The following DSCAM variants were observed in gnomAD, a reference collection of about 807,000 sequenced individuals.
DSCAM encodes the protein cell adhesion molecule DSCAM.
In DSCAM, 47 loss-of-function variants were observed where a neutral mutation model predicts 217.7. The ratio of observed to expected loss-of-function variants is 0.22; its 90% CI spans 0.17 to 0.28. The LOEUF (loss-of-function observed/expected upper bound fraction) is 0.28. DSCAM is among the 10% of genes least tolerant of loss of function. DSCAM has a pLI of 1.00. For missense variants in DSCAM, 2,080 were observed against 2,618.3 expected, an observed-to-expected ratio of 0.79 and a Z score of 4.49; for synonymous variants, 1,056 against 1,015.3, an observed-to-expected ratio of 1.04 and a Z score of -0.76.
At chr21:40,192,903 T>C (rs1246400509) in intron 11 of DSCAM, among the ~76,000 whole-genome samples, 4 of 152,238 alleles carry the variant, frequency 2.6e-5, no homozygotes, top group Non-Finnish European at 5.9e-5. Flanking sequence ...AGCTGTTGTG[T>C]GAACAAATGT....
chr21:40,630,874 G>A (rs2089682657), intron 3 of DSCAM: 2 of 152,298 alleles, frequency 1.3e-5, no homozygotes, highest in East Asian at 3.9e-4. Flanking sequence ...AGGGAGTTGG[G>A]GGAAGAAAGA....
At chr21:40,133,772 A>G in intron 19 of DSCAM, 82 bp downstream of exon 19, 1 of 1,480,360 alleles carries the variant, frequency 6.8e-7, no homozygotes, top group South Asian at 1.4e-5. Context: ...AGCCTGATGA[A>G]CTGCAGGGTA....
chr21:40,833,483 G>A (rs750964986), intron 1 of DSCAM, among the ~76,000 whole-genome samples: 1 of 152,150 alleles, frequency 6.6e-6, no homozygotes, highest in African/African-American at 2.4e-5. Flanking sequence ...TAGCACACAG[G>A]ATTAATCACA....
At chr21:40,569,296 T>C (rs1032427673) in intron 3 of DSCAM, among the ~76,000 whole-genome samples, 17 of 152,246 alleles carry the variant, frequency 1.1e-4, no homozygotes, top group Non-Finnish European at 2.1e-4. Flanking sequence ...GGTCAGGCTA[T>C]AGTTTCCAGT....
chr21:40,068,797 G>T (rs543088882), intron 27 of DSCAM, among the ~76,000 whole-genome samples: 2 of 152,170 alleles, frequency 1.3e-5, no homozygotes, highest in Non-Finnish European at 2.9e-5. Flanking sequence ...AGAAAATGGG[G>T]TATGATGGCT....
At chr21:40,555,589 G>A (rs564422654) in intron 3 of DSCAM, among the ~76,000 whole-genome samples, 1 of 152,232 alleles carries the variant, frequency 6.6e-6, no homozygotes, top group East Asian at 1.9e-4. Context: ...TATTCTAAAT[G>A]TGAATGCAGA....
chr21:40,599,085 T>C (rs759563595), intron 3 of DSCAM, among the ~76,000 whole-genome samples: 2 of 152,244 alleles, frequency 1.3e-5, no homozygotes, highest in Non-Finnish European at 2.9e-5. Flanking sequence ...GGCTGCTTTA[T>C]ATATTTGGAT....
At chr21:40,038,204 A>G (rs1003472012) in intron 32 of DSCAM, among the ~76,000 whole-genome samples, 4 of 137,004 alleles carry the variant, frequency 2.9e-5, no homozygotes, top group African/African-American at 1.1e-4. Flanking sequence ...GCACAGCAAA[A>G]GAAACTACCA....
intron 1 of DSCAM, among the ~76,000 whole-genome samples, chr21:40,802,550 G>A (rs2091751367): frequency 6.6e-6 from 1 of 152,226 alleles, no homozygotes; most frequent in South Asian, 2.1e-4. Context: ...AATCCCCAAT[G>A]TGGCAGTATT....
chr21:40,828,026 G>A (rs1449402143), intron 1 of DSCAM, among the ~76,000 whole-genome samples: 4 of 152,288 alleles, frequency 2.6e-5, no homozygotes, highest in Non-Finnish European at 5.9e-5. Context: ...TTGTTAGTAC[G>A]TTTTACAGTG....
At chr21:40,757,677 G>C (rs2091289717) in intron 1 of DSCAM, among the ~76,000 whole-genome samples, 1 of 152,194 alleles carries the variant, frequency 6.6e-6, no homozygotes, top group African/African-American at 2.4e-5. Flanking sequence ...CCGATTTGAA[G>C]CCCAGACACT....
chr21:40,052,192 G>C, intron 29 of DSCAM, 85 bp from the exon 30 acceptor site: 2 of 1,464,830 alleles, frequency 1.4e-6, no homozygotes, highest in South Asian at 2.6e-5. Flanking sequence ...TGAGGCACTT[G>C]TGTTATTGTT....
Position 40,692,970 on chromosome 21 carries a change from A to G in DSCAM, c.362-14T>C. The G allele has an allele frequency of 6.3e-7, 1 of 1,597,614 alleles. No individual in the cohort carries two copies. Among genetic ancestry groups the G allele is most frequent in the East Asian group, 2.2e-5 (1 of 44,466 alleles). ...GCTCCCGTAAAACTGGAAGGCAGAAAGAGGACGTCAGTAAGGCACACGGTC... is the reference window on the plus strand; with the variant it reads ...GCTCCCGTAAAACTGGAAGGCAGAAGGAGGACGTCAGTAAGGCACACGGTC... On this transcript the variant is annotated splice_polypyrimidine_tract_variant and intron_variant, in intron 2 of 32. Transcript: ENST00000400454.
At chr21:40,594,223 A>G (rs1295583056) in intron 3 of DSCAM, among the ~76,000 whole-genome samples, 1 of 152,238 alleles carries the variant, frequency 6.6e-6, no homozygotes, top group Non-Finnish European at 1.5e-5. Context: ...ATATTAATCA[A>G]TCCTAGATTT....
chr21:40,237,232 T>C (rs1018524828), intron 11 of DSCAM, among the ~76,000 whole-genome samples: 2 of 152,220 alleles, frequency 1.3e-5, no homozygotes, highest in South Asian at 2.1e-4. Context: ...ATTATTATTA[T>C]ACTTTAAGTT....
chr21:40,221,098 C>T (rs946797624), intron 11 of DSCAM, among the ~76,000 whole-genome samples: 2 of 152,102 alleles, frequency 1.3e-5, no homozygotes, highest in Non-Finnish European at 2.9e-5. Context: ...TCATTTTTGC[C>T]TGACTATAGT....
At chr21:40,042,316 A>T in intron 32 of DSCAM, 55 bp downstream of exon 32, 1 of 1,570,010 alleles carries the variant, frequency 6.4e-7, no homozygotes, top group Non-Finnish European at 8.7e-7. Flanking sequence ...ATGAGGGAGG[A>T]CCAGGAAGGT....
At chr21:40,712,909 C>A (rs558903849) in intron 1 of DSCAM, among the ~76,000 whole-genome samples, 1 of 152,170 alleles carries the variant, frequency 6.6e-6, no homozygotes, top group African/African-American at 2.4e-5. Context: ...GGCCCCCCTT[C>A]CACTATGAAC....
chr21:40,195,887 C>T (rs1340036345), intron 11 of DSCAM, among the ~76,000 whole-genome samples: 1 of 152,226 alleles, frequency 6.6e-6, no homozygotes, highest in Admixed American at 6.5e-5. Context: ...GGAAGCCAAT[C>T]AGCCATGTAT....
Sources: allele counts gnomAD v4.1 joint callset (sites outside exome capture counted in the v4.1 genomes callset), GRCh38; gene constraint gnomAD v4.1.1; transcripts MANE v1.5; gene names NCBI Gene and HGNC (gene_info 2026-07-23, HGNC 2026-07-21).